APBA2: variants seen among roughly 807,000 people sequenced by gnomAD.
APBA2 encodes the protein amyloid beta precursor protein binding family A member 2.
A neutral mutation model predicts 75.0 loss-of-function variants in APBA2; 30 were observed. The ratio of observed to expected loss-of-function variants is 0.40; its 90% CI spans 0.30 to 0.54. APBA2 has a LOEUF of 0.54. Ranked by LOEUF, APBA2 falls within the 20% of genes least tolerant of loss-of-function variation. The pLI is 0.49. For synonymous variants in APBA2, 444 were observed against 409.6 expected (o/e 1.08, Z -1.01); for missense variants, 801 against 1,016.1 (o/e 0.79, Z 2.88).
At chr15:29,035,608 G>C (rs1435065681) in intron 3 of APBA2, among the ~76,000 whole-genome samples, 1 of 152,174 alleles carries the variant, frequency 6.6e-6, no homozygotes, top group Non-Finnish European at 1.5e-5. Flanking sequence ...ATCATCATGG[G>C]ATTTTTATTA....
At chr15:28,947,727 A>G (rs1008768747) in intron 2 of APBA2, among the ~76,000 whole-genome samples, 1 of 152,142 alleles carries the variant, frequency 6.6e-6, no homozygotes, top group African/African-American at 2.4e-5. Context: ...GGCCTCAGCA[A>G]AGCGCCTCTA....
chr15:28,987,467 A>G (rs2037981790), intron 2 of APBA2, among the ~76,000 whole-genome samples: 1 of 152,000 alleles, frequency 6.6e-6, no homozygotes, highest in Non-Finnish European at 1.5e-5. Context: ...GTTCTTTGCC[A>G]TATAGACCTT....
chr15:29,111,170 T>G (rs1488023101), intron 13 of APBA2, among the ~76,000 whole-genome samples: 1 of 151,366 alleles, frequency 6.6e-6, no homozygotes, highest in African/African-American at 2.4e-5. Flanking sequence ...GTCTCTGCCC[T>G]GGGTCTAGGG....
In APBA2 at chr15:29,054,873, G is replaced by A; in HGVS notation, c.951+38G>A. The A allele has an allele frequency of 1.9e-6, 3 of 1,571,166 alleles. No homozygotes were observed. Among genetic ancestry groups the A allele is most frequent in the Non-Finnish European group, 2.6e-6 (3 of 1,163,390 alleles). On this transcript the variant is annotated intron_variant, in intron 4 of 14. Transcript: ENST00000683413. This position sits in a 1 kb window ranked among gnomAD's most constrained non-coding sequence, Gnocchi z 6.1. Reference sequence around the variant, plus strand: ...CTGTCCTGGGGAAGGGAGCAGAGGGGCCCGAGAGCAAGGGACCTCAGGGTA... The same window carrying A: ...CTGTCCTGGGGAAGGGAGCAGAGGGACCCGAGAGCAAGGGACCTCAGGGTA...
intron 3 of APBA2, among the ~76,000 whole-genome samples, chr15:29,024,467 C>A (rs2040116889): frequency 6.6e-6 from 1 of 152,212 alleles, no homozygotes; most frequent in Non-Finnish European, 1.5e-5. Context: ...TGTCTCCACT[C>A]CTTCTCTAAC....
Position 29,117,122 on chromosome 15 carries a change from C to A in APBA2, c.2239C>A (p.Leu747Met). The A allele has an allele frequency of 6.2e-7, 1 of 1,613,228 alleles. No individual in the cohort carries two copies. The highest frequency in any genetic ancestry group is 8.5e-7 in the Non-Finnish European group (1 of 1,179,960). ...GCTCCTCACGGGTCAGGAGACCCCG[C>A]TGTACATCTAGGCCACCCCAGCCTG... Reference protein sequence around the residue: ...FRLLTGQETPLYI With the variant: ...FRLLTGQETPMYI Residue 747 changes from leucine (L) to methionine (M), a missense_variant, in exon 15 of 15, where the codon CTG becomes ATG. Leu to Met is a conservative substitution (Grantham distance 15, BLOSUM62 2). This residue lies in a region of APBA2 where 367 missense variants were observed against 544.5 expected (regional missense o/e 0.67). Coordinates refer to ENST00000683413, the MANE Select transcript of APBA2 (RefSeq NM_001353788.2).
intron 1 of APBA2, among the ~76,000 whole-genome samples, chr15:28,900,674 T>A (rs2032795867): frequency 5.3e-5 from 8 of 152,174 alleles, no homozygotes. Flanking sequence ...CTTCCCTGCG[T>A]TTTGAGCCCT....
At chr15:28,958,132 A>G (rs1399096138) in intron 2 of APBA2, among the ~76,000 whole-genome samples, 5 of 152,240 alleles carry the variant, frequency 3.3e-5, no homozygotes, top group African/African-American at 1.2e-4. Flanking sequence ...AGATAAGACC[A>G]TGTGCCTTGC....
intron 14 of APBA2, 64 bp downstream of exon 14, chr15:29,114,080 T>A: frequency 6.2e-7 from 1 of 1,609,804 alleles, no homozygotes; most frequent in Non-Finnish European, 8.5e-7. Flanking sequence ...CTGCCCTCCA[T>A]GAGCCTCCCC....
At chr15:29,055,288 C>T (rs1434609337) in intron 4 of APBA2, among the ~76,000 whole-genome samples, 9 of 146,402 alleles carry the variant, frequency 6.1e-5, no homozygotes, top group African/African-American at 9.9e-5. Flanking sequence ...TGGCTGGGGT[C>T]GGGGCCAGAG....
In APBA2 at chr15:28,891,670, C is replaced by T. The variant is rs148728839; in HGVS notation, c.-205+5392C>T. Among the ~76,000 whole-genome samples the T allele has an allele frequency of 3.1e-3, 465 of 152,350 alleles. 6 individuals carry two copies. The highest frequency in any genetic ancestry group is 0.011 in the African/African-American group (449 of 41,582). ...TAGCACTTGTTGTCCCTAGAATCAA[C>T]TGCGCAGAGAGATGCTTGGTTCTGA... On this transcript the variant is annotated intron_variant, in intron 1 of 14. Coordinates refer to ENST00000683413, the MANE Select transcript of APBA2 (RefSeq NM_001353788.2).
At chr15:29,095,208 AC>A (rs2043792475) in intron 8 of APBA2, among the ~76,000 whole-genome samples, 1 of 152,194 alleles carries the variant, frequency 6.6e-6, no homozygotes, top group African/African-American at 2.4e-5. Flanking sequence ...CGGGCGGATC[AC>A]CTGAGGTCGG....
In APBA2 at chr15:29,024,988, G is replaced by A. The variant is rs1212341941; in HGVS notation, c.-40-28857G>A. 3.3e-5 allele frequency among the ~76,000 whole-genome samples: 5 copies of A among 152,160 alleles called. No homozygotes were observed. In the East Asian group the frequency reaches 9.6e-4, roughly 29 times the overall value. On this transcript the variant is annotated intron_variant, in intron 3 of 14. Coordinates refer to ENST00000683413, the MANE Select transcript of APBA2 (RefSeq NM_001353788.2). Reference sequence around the variant, plus strand: ...GTGTGCTTGTCCCATGGAGGAGGAAGGGGTATTTGCTGAATGATTAAATCC... The same window carrying A: ...GTGTGCTTGTCCCATGGAGGAGGAAAGGGTATTTGCTGAATGATTAAATCC...
intron 6 of APBA2, among the ~76,000 whole-genome samples, chr15:29,088,482 C>T (rs1441805826): frequency 2.0e-5 from 3 of 152,194 alleles, no homozygotes; most frequent in East Asian, 1.9e-4. Flanking sequence ...GTCTGTCCAT[C>T]GAGCTCTGCA....
intron 2 of APBA2, among the ~76,000 whole-genome samples, chr15:28,974,552 A>G (rs139464636): frequency 6.6e-6 from 1 of 152,346 alleles, no homozygotes; most frequent in Non-Finnish European, 1.5e-5. Context: ...AGACAACCTC[A>G]ATGAGTTCCG....
chr15:29,013,135 C>CATAAT (rs1427139234), intron 3 of APBA2, among the ~76,000 whole-genome samples: 1 of 151,968 alleles, frequency 6.6e-6, no homozygotes, highest in East Asian at 1.9e-4. Flanking sequence ...ATTCTTCAGA[C>CATAAT]ATAATATTTT....
chr15:29,071,010 C>T (rs1338435092), intron 4 of APBA2: 1 of 453,906 alleles, frequency 2.2e-6, no homozygotes, highest in South Asian at 1.6e-5. Context: ...CCACTGATGC[C>T]CTCTATCCCT....
rs202024248 is a variant in APBA2, at chr15:29,054,176, A to G, written c.292A>G (p.Thr98Ala). 5.9e-5 allele frequency: 95 copies of G among 1,614,160 alleles called. No homozygotes were observed. In the East Asian group the frequency reaches 2.0e-3, roughly 34 times the overall value. ...EGLPEEEEGI[T>A]YYIRYCPEDD... ...CCTCCCTGAGGAGGAGGAGGGCATCACCTACTACATCCGCTACTGCCCTGA... is the reference window on the plus strand; with the variant it reads ...CCTCCCTGAGGAGGAGGAGGGCATCGCCTACTACATCCGCTACTGCCCTGA... The change falls in exon 4 of 15, where the codon ACC (threonine) becomes GCC (alanine). Residue 98 changes from threonine (T) to alanine (A), a missense_variant. Physicochemically the swap from Thr to Ala is moderately conservative, Grantham distance 58. Around this residue, in one of 2 missense-constraint regions of APBA2, gnomAD observed 434 missense variants for 471.6 expected, o/e 0.92. Coordinates refer to ENST00000683413, the MANE Select transcript of APBA2 (RefSeq NM_001353788.2). This position sits in a 1 kb window ranked among gnomAD's most constrained non-coding sequence, Gnocchi z 6.1.
Position 29,036,251 on chromosome 15 carries a change from A to AT in APBA2, c.-40-17586dup, listed in dbSNP as rs11337080. Among the ~76,000 whole-genome samples, 603 of 151,946 alleles carry AT rather than the reference A, an allele frequency of 4.0e-3. 5 individuals are homozygous for AT. Among genetic ancestry groups the AT allele is most frequent in the African/African-American group, 0.013 (556 of 41,396 alleles). Reference sequence around the variant, plus strand: ...TATATATTTTTTGTCTTAAAAAACTATTTTTTTTAACATATCTACAGACTC... The same window carrying AT: ...TATATATTTTTTGTCTTAAAAAACTATTTTTTTTTAACATATCTACAGACTC... On this transcript the variant is annotated intron_variant, in intron 3 of 14. Transcript: ENST00000683413.
Sources: allele counts gnomAD v4.1 joint callset (sites outside exome capture counted in the v4.1 genomes callset), GRCh38; gene constraint gnomAD v4.1.1; regional missense constraint gnomAD v4.1.1; non-coding constraint Gnocchi (gnomAD v3.1); transcripts MANE v1.5; gene names NCBI Gene and HGNC (gene_info 2026-07-23, HGNC 2026-07-21).